The following PDE1C variants were observed in gnomAD, a reference collection of about 807,000 sequenced individuals.
PDE1C encodes the protein phosphodiesterase 1C.
A neutral mutation model predicts 93.1 loss-of-function variants in PDE1C; 62 were observed. That is an observed-to-expected ratio of 0.67 (90% CI 0.54 to 0.82). The LOEUF is 0.82. Ranked by LOEUF, PDE1C falls within the 40% of genes least tolerant of loss-of-function variation. PDE1C has a pLI of 0.00. For missense variants in PDE1C, 742 were observed against 884.6 expected (o/e 0.84, Z 2.04); for synonymous variants, 325 against 310.1 (o/e 1.05, Z -0.50).
chr7:32,323,764 G>A (rs529499493), intron 1 of PDE1C, among the ~76,000 whole-genome samples: 3 of 152,324 alleles, frequency 2.0e-5, no homozygotes, highest in South Asian at 2.1e-4. Context: ...TAGGACCTGA[G>A]GATGAAGCAG....
intron 3 of PDE1C, among the ~76,000 whole-genome samples, chr7:32,087,867 G>A (rs757169099): frequency 6.6e-6 from 1 of 150,958 alleles, no homozygotes; most frequent in Admixed American, 6.6e-5. Flanking sequence ...GGTGGGAGGG[G>A]GGAGGGATAG....
chr7:31,634,046 C>T, the PDE1C span, among the ~76,000 whole-genome samples: 1 of 152,168 alleles, frequency 6.6e-6, no homozygotes, highest in African/African-American at 2.4e-5. Context: ...TTAGCCATTC[C>T]AAAGGTCCTT....
At chr7:32,304,588 T>C (rs910807331) in intron 1 of PDE1C, among the ~76,000 whole-genome samples, 1 of 152,168 alleles carries the variant, frequency 6.6e-6, no homozygotes, top group Non-Finnish European at 1.5e-5. Context: ...CTCCTCTTTT[T>C]GTTTCCTCAA....
chr7:32,008,929 A>G (rs1786664729), intron 2 of PDE1C, among the ~76,000 whole-genome samples: 1 of 14,774 alleles, frequency 6.8e-5, no homozygotes, highest in South Asian at 3.8e-3. Context: ...TTTTGATATC[A>G]TAAGACAAAA....
Position 32,295,838 on chromosome 7 carries a change from G to A in PDE1C, c.85+2813C>T, listed in dbSNP as rs150631896. Among the ~76,000 whole-genome samples the A allele has an allele frequency of 7.7e-3, 1,136 of 146,696 alleles. 17 individuals carry two copies. Among genetic ancestry groups the A allele is most frequent in the African/African-American group, 0.027 (1,088 of 39,740 alleles). Reference sequence around the variant, plus strand: ...GAACGCGGGAGGCGGAGCTTGCAGTGAGCTGAGATCGGGTCACTGCACTCC... The same window carrying A: ...GAACGCGGGAGGCGGAGCTTGCAGTAAGCTGAGATCGGGTCACTGCACTCC... On this transcript the variant is annotated intron_variant, in intron 1 of 18. Coordinates refer to the PDE1C transcript ENST00000396193.
chr7:32,078,796 G>A (rs1228066092), intron 3 of PDE1C, among the ~76,000 whole-genome samples: 1 of 151,972 alleles, frequency 6.6e-6, no homozygotes, highest in African/African-American at 2.4e-5. Flanking sequence ...GTGTGGTGGT[G>A]CACACCTGTG....
At chr7:31,799,643 G>A (rs1049093395) in intron 16 of PDE1C, among the ~76,000 whole-genome samples, 2 of 151,706 alleles carry the variant, frequency 1.3e-5, no homozygotes, top group African/African-American at 4.8e-5. Context: ...TCAAGGTCAT[G>A]AGACAACAGC....
chr7:32,024,429 G>C (rs1401264585), intron 2 of PDE1C, among the ~76,000 whole-genome samples: 1 of 151,340 alleles, frequency 6.6e-6, no homozygotes. Context: ...GTATGTATAA[G>C]AGAGCTCATT....
chr7:32,310,437 A>G (rs1782995291), intron 1 of PDE1C, among the ~76,000 whole-genome samples: 1 of 152,220 alleles, frequency 6.6e-6, no homozygotes, highest in African/African-American at 2.4e-5. Context: ...ACCCCAAATC[A>G]ACAGAATATA....
the PDE1C span, among the ~76,000 whole-genome samples, chr7:31,685,666 T>C: frequency 6.6e-6 from 1 of 152,222 alleles, no homozygotes; most frequent in Non-Finnish European, 1.5e-5. Context: ...CACGTTTACC[T>C]ATGTAACAAA....
intron 1 of PDE1C, among the ~76,000 whole-genome samples, chr7:32,314,075 A>G (rs888510150): frequency 2.0e-5 from 3 of 151,974 alleles, no homozygotes; most frequent in Admixed American, 2.0e-4. Flanking sequence ...TAAATAAATA[A>G]AATAAATAAA....
chr7:32,286,382 C>T (rs1052123159), intron 1 of PDE1C, among the ~76,000 whole-genome samples: 1 of 152,058 alleles, frequency 6.6e-6, no homozygotes, highest in East Asian at 1.9e-4. Context: ...TTTCCTCATC[C>T]GAAAATGAGA....
chr7:32,322,620 C>CTTT (rs60692243), intron 1 of PDE1C, among the ~76,000 whole-genome samples: 1 of 135,656 alleles, frequency 7.4e-6, no homozygotes, highest in African/African-American at 2.6e-5. Context: ...TTTCTTTTTT[C>CTTT]TTTTTTTTTT....
intron 1 of PDE1C, among the ~76,000 whole-genome samples, chr7:32,223,558 CCT>C (rs1562594939): frequency 6.6e-6 from 1 of 152,188 alleles, no homozygotes; most frequent in African/African-American, 2.4e-5. Context: ...CATCATGTCC[CCT>C]GGTACTTCTC....
At chr7:32,232,233 C>T (rs890576320) in intron 1 of PDE1C, among the ~76,000 whole-genome samples, 2 of 152,118 alleles carry the variant, frequency 1.3e-5, no homozygotes, top group Non-Finnish European at 2.9e-5. Flanking sequence ...CAAGGCAATC[C>T]AAATGGACAT....
chr7:31,828,284 A>T lies in PDE1C; in HGVS notation c.1285+8T>A. The stretch of plus-strand genomic sequence containing the variant: ...GGTGCTTCTATCCAAAGAGCTGCAA[A>T]CACGTACCTACTTGTGACTGAGCAA... On this transcript the variant is annotated splice_region_variant and intron_variant, in intron 12 of 17. Transcript: ENST00000396191. The T allele has an allele frequency of 6.2e-7, 1 of 1,609,926 alleles. No homozygotes were observed. The highest frequency in any genetic ancestry group is 2.2e-5 in the East Asian group (1 of 44,778).
At chr7:32,409,852 C>T (rs1379890134) in intron 1 of PDE1C, among the ~76,000 whole-genome samples, 5 of 151,466 alleles carry the variant, frequency 3.3e-5, no homozygotes, top group African/African-American at 9.7e-5. Context: ...TACATATATG[C>T]ATATTTGCAT....
intron 1 of PDE1C, among the ~76,000 whole-genome samples, chr7:32,323,066 G>A (rs905434664): frequency 4.6e-5 from 7 of 152,146 alleles, no homozygotes; most frequent in African/African-American, 1.7e-4. Context: ...GAGATTTAAG[G>A]CATTTTTTAG....
At chr7:32,106,094 C>T (rs1043919472) in intron 3 of PDE1C, among the ~76,000 whole-genome samples, 1 of 152,282 alleles carries the variant, frequency 6.6e-6, no homozygotes, top group African/African-American at 2.4e-5. Context: ...TCACTACAGC[C>T]TCGACCTCCT....
Sources: gnomAD v4.1 joint callset for allele counts (sites outside exome capture counted in the v4.1 genomes callset) on GRCh38, gnomAD v4.1.1 for gene constraint, MANE v1.5 for transcripts, NCBI Gene and HGNC (gene_info 2026-07-23, HGNC 2026-07-21) for gene names.